Variants in ENO4 observed in about 807,000 individuals in gnomAD.
ENO4 encodes the protein 2-phospho-D-glycerate hydro-lyase.
In ENO4, 53 loss-of-function variants were observed where a neutral mutation model predicts 63.2. That is an observed-to-expected ratio of 0.84 (90% CI 0.67 to 1.05). The LOEUF is 1.05. ENO4 is among the 50% of genes least tolerant of loss of function. ENO4 has a pLI of 0.00. For missense variants in ENO4, 719 were observed against 772.0 expected (o/e 0.93, Z 0.81); for synonymous variants, 266 against 283.8 (o/e 0.94, Z 0.63).
At chr10:116,888,281 G>A (rs1020772682) in intron 10 of ENO4, among the ~76,000 whole-genome samples, 1 of 152,224 alleles carries the variant, frequency 6.6e-6, no homozygotes, top group Non-Finnish European at 1.5e-5. Flanking sequence ...TCAGAATGGG[G>A]TGTAGTTTCT....
rs1415348888 is a variant in ENO4, at chr10:116,911,402, C to T, written c.1195-97C>T. 7.4e-6 allele frequency: 11 copies of T among 1,484,254 alleles called. No individual in the cohort carries two copies. The East Asian group carries it at 2.5e-4, about 34-fold the overall frequency. 91.9% of individuals were successfully genotyped at this position (1,484,254 alleles called of 1,614,324 possible). ...CTATTTGGGGAGGAATTTAGCTTCACATTTAGGATTCTCCTTTTAGGCTTC... is the reference window on the plus strand; with the variant it reads ...CTATTTGGGGAGGAATTTAGCTTCATATTTAGGATTCTCCTTTTAGGCTTC... On this transcript the variant is annotated intron_variant, in intron 10 of 10. Transcript: ENST00000369207.
chr10:116,911,804 G>T, downstream of ENO4: 1 of 1,612,392 alleles, frequency 6.2e-7, no homozygotes. Flanking sequence ...ATTCCTTTTA[G>T]TTCATCCACT....
intron 10 of ENO4, chr10:116,906,504 A>T: frequency 1.1e-6 from 1 of 949,148 alleles, no homozygotes; most frequent in South Asian, 2.3e-5. Context: ...CATACTTCTC[A>T]CTCACATTAA....
intron 1 of ENO4, among the ~76,000 whole-genome samples, chr10:116,853,557 T>G (rs1227173829): frequency 6.6e-6 from 1 of 152,212 alleles, no homozygotes; most frequent in African/African-American, 2.4e-5. Context: ...AAAGAAGTCA[T>G]TCTTTCACAG....
intron 10 of ENO4, among the ~76,000 whole-genome samples, chr10:116,905,208 C>CAAAA (rs772309175): frequency 1.6e-5 from 1 of 63,424 alleles, no homozygotes; most frequent in African/African-American, 4.9e-5. Context: ...GACTCCGTCT[C>CAAAA]AAAAAAAAAA....
chr10:116,858,890 A>C (rs1178732990), intron 3 of ENO4, 100 bp from the exon 4 acceptor site: 1 of 599,432 alleles, frequency 1.7e-6, no homozygotes, highest in Non-Finnish European at 2.7e-6. Context: ...AAAAGCAGTT[A>C]TTTATTGAAA....
intron 13 of ENO4, among the ~76,000 whole-genome samples, chr10:116,880,624 T>C (rs1295391820): frequency 6.6e-6 from 1 of 152,228 alleles, no homozygotes; most frequent in Non-Finnish European, 1.5e-5. Flanking sequence ...AAACTTGTCA[T>C]GTTTAACGTA....
At chr10:116,871,353 T>C (rs1257959662) in intron 9 of ENO4, 61 bp downstream of exon 9, 2 of 1,385,904 alleles carry the variant, frequency 1.4e-6, no homozygotes, top group Non-Finnish European at 9.7e-7. Context: ...AAATTAGAAC[T>C]CAGAAAAAAA....
chr10:116,855,016 T>C (rs1255086679), intron 1 of ENO4, among the ~76,000 whole-genome samples: 1 of 145,238 alleles, frequency 6.9e-6, no homozygotes, highest in African/African-American at 2.6e-5. Flanking sequence ...CTGAATTGAC[T>C]ATAAGAACGC....
chr10:116,860,034 T>C (rs1846369045), intron 4 of ENO4, among the ~76,000 whole-genome samples: 3 of 152,220 alleles, frequency 2.0e-5, no homozygotes, highest in Non-Finnish European at 4.4e-5. Context: ...TGGTTGCTTT[T>C]GACTAATAGA....
chr10:116,849,646 A>G lies in ENO4; in HGVS notation c.80A>G (p.Tyr27Cys), dbSNP rs1845995228. ...QKLKQQAMEY[Y>C]RENDVPRRLE... ...CTGAAGCAGCAGGCGATGGAGTACT[A>G]CCGGGAGAACGACGTTCCGCGCAGG... is the stretch of plus-strand genomic sequence containing the variant. The change falls in exon 1 of 14, where the codon TAC becomes TGC. Residue 27 changes from tyrosine (Y) to cysteine (C), a missense_variant. Tyr to Cys is a radical substitution (Grantham distance 194, BLOSUM62 -2). Coordinates refer to ENST00000341276, the MANE Select transcript of ENO4 (RefSeq NM_001242699.2). The G allele has an allele frequency of 1.5e-5, 23 of 1,550,240 alleles. No homozygotes were observed. The highest frequency in any genetic ancestry group is 2.0e-5 in the Non-Finnish European group (23 of 1,146,830).
downstream of ENO4, among the ~76,000 whole-genome samples, chr10:116,887,000 TGAG>T (rs575000196): frequency 2.4e-3 from 366 of 151,740 alleles, 1 homozygote; most frequent in African/African-American, 8.5e-3. Flanking sequence ...AGGGTAGTGC[TGAG>T]GAGCCTGCAG....
In ENO4 at chr10:116,894,198, C is replaced by A. The variant is rs141192149; in HGVS notation, c.1194+14212C>A. Among the ~76,000 whole-genome samples the A allele has an allele frequency of 4.2e-3, 645 of 152,220 alleles. 8 individuals carry two copies. The highest frequency in any genetic ancestry group is 0.015 in the African/African-American group (617 of 41,514). ...ATTAATGGCCCAAACAAGATGAACTCTTACAAAAATAAATTTGTGTGGGGC... is the reference window on the plus strand; with the variant it reads ...ATTAATGGCCCAAACAAGATGAACTATTACAAAAATAAATTTGTGTGGGGC... On this transcript the variant is annotated intron_variant, in intron 10 of 10. Coordinates refer to the ENO4 transcript ENST00000369207.
rs1248827528 is a variant in ENO4, at chr10:116,881,720, G to A, written c.*51G>A. The A allele has an allele frequency of 1.5e-6, 2 of 1,323,926 alleles. No individual in the cohort carries two copies. Among genetic ancestry groups the A allele is most frequent in the East Asian group, 2.9e-5 (1 of 33,956 alleles). 82.0% of individuals were successfully genotyped at this position (1,323,926 alleles called of 1,614,324 possible). On this transcript the variant is annotated 3_prime_UTR_variant, in exon 14 of 14. Transcript: ENST00000341276. ...CACACCATCAGTATTAGTAGACCGG[G>A]AGGTCTGAAGTACGGCGCCGTGTCT...
At chr10:116,900,681 A>G in intron 10 of ENO4, 1 of 1,466,452 alleles carries the variant, frequency 6.8e-7, no homozygotes. Context: ...ATTAGGTGTT[A>G]AACAAATTTA....
intron 10 of ENO4, among the ~76,000 whole-genome samples, chr10:116,889,245 T>C (rs1053744023): frequency 6.6e-6 from 1 of 152,226 alleles, no homozygotes; most frequent in Non-Finnish European, 1.5e-5. Context: ...ACAGCAGCAA[T>C]ACATGGATGT....
intron 10 of ENO4, among the ~76,000 whole-genome samples, chr10:116,890,523 T>C (rs1008739587): frequency 3.9e-5 from 6 of 152,248 alleles, no homozygotes; most frequent in Non-Finnish European, 7.3e-5. Context: ...TTGTCATTTA[T>C]GATCCATTCA....
chr10:116,872,512 T>C (rs928894427), intron 9 of ENO4, among the ~76,000 whole-genome samples: 5 of 152,180 alleles, frequency 3.3e-5, no homozygotes, highest in Admixed American at 2.0e-4. Context: ...CACTCTCTCT[T>C]GCCTGCTGCC....
intron 6 of ENO4, 23 bp downstream of exon 6, chr10:116,861,213 AC>A (rs1170911244): frequency 9.7e-7 from 1 of 1,031,852 alleles, no homozygotes; most frequent in Non-Finnish European, 1.2e-6. Context: ...ATCTTAAATT[AC>A]CTTTTCTAAA....
Sources: gnomAD v4.1 joint callset for allele counts (sites outside exome capture counted in the v4.1 genomes callset) on GRCh38, gnomAD v4.1.1 for gene constraint, MANE v1.5 for transcripts, NCBI Gene and HGNC (gene_info 2026-07-23, HGNC 2026-07-21) for gene names.